The following B3GALNT2 variants were observed in gnomAD, a reference collection of about 807,000 sequenced individuals.
B3GALNT2 encodes the protein beta-1,3-N-acetylgalactosaminyltransferase 2.
B3GALNT2 carries 53 observed loss-of-function variants against 61.1 expected under a neutral mutation model. That is an observed-to-expected ratio of 0.87 (90% confidence interval 0.70 to 1.09). The LOEUF (loss-of-function observed/expected upper bound fraction) is 1.09, where lower values mean the gene tolerates loss of function less well. B3GALNT2 is among the 50% of genes least tolerant of loss of function. B3GALNT2 has a pLI of 0.00. For synonymous variants in B3GALNT2, 223 were observed against 237.4 expected (o/e 0.94, Z 0.56); for missense variants, 544 against 623.0 (o/e 0.87, Z 1.35).
At chr1:235,477,431 CA>C (rs1684339756) in intron 5 of B3GALNT2, among the ~76,000 whole-genome samples, 1 of 152,150 alleles carries the variant, frequency 6.6e-6, no homozygotes, top group South Asian at 2.1e-4. Flanking sequence ...ATGAACTAAT[CA>C]AAATTTGCAA....
chr1:235,476,935 G>A (rs548776086), intron 5 of B3GALNT2, among the ~76,000 whole-genome samples: 2 of 150,956 alleles, frequency 1.3e-5, no homozygotes, highest in South Asian at 4.2e-4. Context: ...TGAGGTAGGA[G>A]AATCATTTGA....
chr1:235,498,561 G>A (rs749504401), intron 1 of B3GALNT2, among the ~76,000 whole-genome samples: 7 of 152,046 alleles, frequency 4.6e-5, no homozygotes, highest in South Asian at 2.1e-4. Flanking sequence ...ACTCTCCGCC[G>A]GGCACGGTGG....
At chr1:235,502,684 T>G (rs1022949113) in intron 1 of B3GALNT2, among the ~76,000 whole-genome samples, 1 of 152,210 alleles carries the variant, frequency 6.6e-6, no homozygotes, top group Non-Finnish European at 1.5e-5. Flanking sequence ...TACTAAGATT[T>G]CAGTTTGAAG....
intron 3 of B3GALNT2, among the ~76,000 whole-genome samples, chr1:235,487,829 G>A (rs1572545010): frequency 6.6e-6 from 1 of 152,248 alleles, no homozygotes; most frequent in East Asian, 1.9e-4. Context: ...TGTCACCCAG[G>A]CTGGAGTGCA....
intron 5 of B3GALNT2, among the ~76,000 whole-genome samples, chr1:235,473,418 G>A (rs1248271049): frequency 1.3e-5 from 2 of 152,222 alleles, no homozygotes; most frequent in African/African-American, 4.8e-5. Flanking sequence ...AGGACTTGGT[G>A]AGTACCTGGA....
rs2102862714 is a variant in B3GALNT2 at position 235,494,584 on chromosome 1, G to A, written c.260+97C>T. On this transcript the variant is annotated intron_variant, in intron 2 of 11. Coordinates refer to ENST00000366600, the MANE Select transcript of B3GALNT2 (RefSeq NM_152490.5). Reference sequence around the variant, plus strand: ...CAATCCTTCCACCTCAGCCTCCCCGGTAGCTGGGACGACGGGCACACACCA... The same window carrying A: ...CAATCCTTCCACCTCAGCCTCCCCGATAGCTGGGACGACGGGCACACACCA... 3 of 1,337,386 alleles carry A rather than the reference G, an allele frequency of 2.2e-6. No individual in the cohort carries two copies. The East Asian group carries it at 7.1e-5, about 32-fold the overall frequency. The allele number at this position is 1,337,386 out of a possible 1,614,324, so 82.8% of individuals were successfully genotyped here. A position where few individuals can be genotyped will look rare whatever the true frequency, so the allele number is the denominator to read the frequency against.
chr1:235,492,810 G>C (rs1410313704), intron 2 of B3GALNT2, among the ~76,000 whole-genome samples: 2 of 152,186 alleles, frequency 1.3e-5, no homozygotes, highest in Non-Finnish European at 2.9e-5. Flanking sequence ...AAGGAAGTGA[G>C]TCCTGAGGAC....
In B3GALNT2 at chr1:235,470,936, C is replaced by T. The variant is rs1683971803; in HGVS notation, c.676G>A (p.Glu226Lys). Residue 226 changes from glutamate (E) to lysine (K), a missense_variant, in exon 6 of 12, where the codon GAG becomes AAG. Glu to Lys is a moderately conservative substitution (Grantham distance 56). Transcript: ENST00000366600. ...ACAAGGCCGTGGAGGTCTTGGCTCT[C>T]CCACACGATTGTACCTTCAAAGCTC... ...PESFEGTIVWESQDLHGLVSR... is the reference protein window; with the variant it reads ...PESFEGTIVWKSQDLHGLVSR... 6.2e-7 allele frequency: 1 copy of T among 1,613,874 alleles called. No homozygotes were observed. Among genetic ancestry groups the T allele is most frequent in the African/African-American group, 1.3e-5 (1 of 74,910 alleles).
At position 235,447,939 on chromosome 1, in the gene B3GALNT2, C is replaced by T. The variant is rs1682517781; in HGVS notation, c.*2267G>A. Among the ~76,000 whole-genome samples the T allele has an allele frequency of 6.6e-6, 1 of 151,830 alleles. No homozygotes were observed. The highest frequency in any genetic ancestry group is 2.4e-5 in the African/African-American group (1 of 41,184). On this transcript the variant is annotated 3_prime_UTR_variant, in exon 12 of 12. Coordinates refer to ENST00000366600, the MANE Select transcript of B3GALNT2 (RefSeq NM_152490.5). ...GTAAAATGAAAGATACAGCCAGGCG[C>T]TGGGCTCATGCTTGTAATCCCAGCA...
At chr1:235,475,263 C>G (rs1446250524) in intron 5 of B3GALNT2, among the ~76,000 whole-genome samples, 2 of 151,802 alleles carry the variant, frequency 1.3e-5, no homozygotes, top group Non-Finnish European at 2.9e-5. Flanking sequence ...TCCCAAAGTG[C>G]TGGGATTACA....
chr1:235,474,560 C>G (rs1262786194), intron 5 of B3GALNT2, among the ~76,000 whole-genome samples: 1 of 152,058 alleles, frequency 6.6e-6, no homozygotes, highest in Non-Finnish European at 1.5e-5. Flanking sequence ...TGGCTCACAC[C>G]TGTAATCCCA....
In B3GALNT2 at chr1:235,449,635, T is replaced by TCAAGTTAG. The variant is rs1682770105; in HGVS notation, c.*563_*570dup. ...AACTGAGAATCATATTGGTTCCTCTTCAAGTTAGTTCAAGTTGCCCACTTC... is the reference window on the plus strand; with the variant it reads ...AACTGAGAATCATATTGGTTCCTCTTCAAGTTAGCAAGTTAGTTCAAGTTGCCCACTTC... On this transcript the variant is annotated 3_prime_UTR_variant, in exon 12 of 12. Transcript: ENST00000366600. 1 of 152,548 alleles carries TCAAGTTAG rather than the reference T, an allele frequency of 6.6e-6. No homozygotes were observed. The highest frequency in any genetic ancestry group is 1.5e-5 in the Non-Finnish European group (1 of 68,310). The allele number at this position is 152,548 out of a possible 1,614,324, so 9.4% of individuals were successfully genotyped here. A position where few individuals can be genotyped will look rare whatever the true frequency, so the allele number is the denominator to read the frequency against.
chr1:235,452,362 C>T (rs774685120), intron 11 of B3GALNT2: 1 of 152,040 alleles, frequency 6.6e-6, no homozygotes, highest in Non-Finnish European at 1.5e-5. Context: ...GATTTATAAC[C>T]TTTTGCTTTA....
chr1:235,459,573 T>G (rs1247987097), intron 7 of B3GALNT2, among the ~76,000 whole-genome samples: 2 of 152,110 alleles, frequency 1.3e-5, no homozygotes, highest in Non-Finnish European at 2.9e-5. Flanking sequence ...CAGTGAGCTA[T>G]GATTACACCA....
At position 235,466,603 on chromosome 1, in the gene B3GALNT2, C is replaced by T. The variant is rs372296678; in HGVS notation, c.763-889G>A. Among the ~76,000 whole-genome samples the T allele has an allele frequency of 2.6e-5, 4 of 152,298 alleles. No homozygotes were observed. In the South Asian group the frequency reaches 6.2e-4, roughly 24 times the overall value. ...CTCCTGGGCTCAAGTGATCCTCCCGCCTCGGTCTCCCAAAGTGCTGGGATT... is the reference window on the plus strand; with the variant it reads ...CTCCTGGGCTCAAGTGATCCTCCCGTCTCGGTCTCCCAAAGTGCTGGGATT... On this transcript the variant is annotated intron_variant, in intron 6 of 11. Coordinates refer to ENST00000366600, the MANE Select transcript of B3GALNT2 (RefSeq NM_152490.5).
At chr1:235,479,904 G>A in intron 5 of B3GALNT2, 150 bp downstream of exon 5, 2 of 1,365,922 alleles carry the variant, frequency 1.5e-6, no homozygotes, top group South Asian at 1.6e-5. Flanking sequence ...AGAGTGCTAT[G>A]TTTTAGCCCA....
intron 2 of B3GALNT2, among the ~76,000 whole-genome samples, chr1:235,491,796 TCA>T (rs61228418): frequency 0.022 from 3,283 of 152,096 alleles, 130 homozygotes; most frequent in African/African-American, 0.074. Context: ...TGTCTGCCTC[TCA>T]CAGTCATATG....
intron 2 of B3GALNT2, among the ~76,000 whole-genome samples, chr1:235,492,451 T>C (rs541808457): frequency 3.8e-4 from 58 of 152,328 alleles, no homozygotes; most frequent in Admixed American, 3.8e-3. Context: ...AAGACTGTTA[T>C]GATGGCAAAT....
intron 6 of B3GALNT2, among the ~76,000 whole-genome samples, chr1:235,468,069 A>G (rs1683800705): frequency 6.6e-6 from 1 of 152,138 alleles, no homozygotes. Context: ...CGTGAGCCAC[A>G]GCACCCAGCC....
Sources: allele counts gnomAD v4.1 joint callset (sites outside exome capture counted in the v4.1 genomes callset), GRCh38; gene constraint gnomAD v4.1.1; transcripts MANE v1.5; gene names NCBI Gene and HGNC (gene_info 2026-07-23, HGNC 2026-07-21).